The following CROCC variants were observed in gnomAD, a reference collection of about 807,000 sequenced individuals.
CROCC encodes the protein rootletin.
A neutral mutation model predicts 245.2 loss-of-function variants in CROCC; 180 were observed. That is an observed-to-expected ratio of 0.73 (90% CI 0.65 to 0.83). The LOEUF (loss-of-function observed/expected upper bound fraction) is 0.83, where lower values mean the gene tolerates loss of function less well. CROCC is among the 40% of genes least tolerant of loss of function. The pLI, the probability that CROCC is intolerant of heterozygous loss-of-function variation, is 0.00. For synonymous variants in CROCC, 1,205 were observed against 1,241.6 expected, an observed-to-expected ratio of 0.97 and a Z score of 0.62; for missense variants, 2,688 against 2,779.4, an observed-to-expected ratio of 0.97 and a Z score of 0.74.
rs371175242 is a variant in CROCC, at chr1:16,946,315, G to C, written c.2193G>C (p.Glu731Asp). The C allele has an allele frequency of 1.2e-6, 2 of 1,613,470 alleles. No homozygotes were observed. Among genetic ancestry groups the C allele is most frequent in the Non-Finnish European group, 1.7e-6 (2 of 1,180,008 alleles). ...CCATGACCAAGCTGAGGGCAGAGGAGGCCTCCCTGCAGGACTCCCTGTCCA... is the reference window on the plus strand; with the variant it reads ...CCATGACCAAGCTGAGGGCAGAGGACGCCTCCCTGCAGGACTCCCTGTCCA... ...ELSMTKLRAE[E>D]ASLQDSLSKL... The change falls in exon 16 of 37, where the codon GAG (glutamate) becomes GAC (aspartate). Residue 731 changes from glutamate (E) to aspartate (D), a missense_variant. Physicochemically the swap from Glu to Asp is conservative, Grantham distance 45. Coordinates refer to ENST00000375541, the MANE Select transcript of CROCC (RefSeq NM_014675.5).
intron 13 of CROCC, among the ~76,000 whole-genome samples, chr1:16,943,069 C>G (rs1415053656): frequency 6.6e-6 from 1 of 152,146 alleles, no homozygotes. Context: ...ATGGAGAAAC[C>G]CTGTCTCTAC....
chr1:16,925,093 G>C (rs571622255), intron 3 of CROCC, among the ~76,000 whole-genome samples: 254 of 152,308 alleles, frequency 1.7e-3, no homozygotes, highest in Middle Eastern at 6.8e-3. Flanking sequence ...CGGTGCGAGG[G>C]GTGCGGGATG....
At chr1:16,968,458 C>A (rs1278582645) in intron 31 of CROCC, 40 bp downstream of exon 31, 2 of 1,447,592 alleles carry the variant, frequency 1.4e-6, no homozygotes, top group East Asian at 2.5e-5. Flanking sequence ...TGTTCACATG[C>A]CCTGTGCCAA....
chr1:16,967,726 G>A (rs547304160), intron 30 of CROCC, among the ~76,000 whole-genome samples: 1 of 152,274 alleles, frequency 6.6e-6, no homozygotes, highest in South Asian at 2.1e-4. Context: ...GCTGACCCTG[G>A]GCAGGGGAGG....
rs1557583795 is a variant in CROCC, at chr1:16,929,902, G to A, written c.408G>A (p.Gly136=). 5 of 1,588,510 alleles carry A rather than the reference G, an allele frequency of 3.1e-6. No individual in the cohort carries two copies. The highest frequency in any genetic ancestry group is 1.1e-5 in the South Asian group (1 of 87,332). The change falls in exon 4 of 37, where the codon GGG becomes GGA. Residue 136 remains glycine (G), a synonymous_variant. Transcript: ENST00000375541. ...PGELETQEPR[G]LVRQSVELRR... ...AGCTGGAGACGCAGGAGCCCAGGGG[G>A]CTGGTACGGCAGAGCGTGGAGTTGC... is the stretch of plus-strand genomic sequence containing the variant.
At chr1:16,961,310 A>G (rs2076329658) in intron 27 of CROCC, among the ~76,000 whole-genome samples, 180 bp downstream of exon 27, 1 of 147,432 alleles carries the variant, frequency 6.8e-6, no homozygotes, top group South Asian at 2.2e-4. Flanking sequence ...CCCTTCACTG[A>G]TCTGTGCTTC....
chr1:16,915,241 A>G (rs1046667460), intron 1 of CROCC, among the ~76,000 whole-genome samples: 6 of 152,420 alleles, frequency 3.9e-5, no homozygotes, highest in East Asian at 3.9e-4. Context: ...GTGGCCCAAC[A>G]TGACCCCAGC....
At chr1:16,971,192 CTG>C (rs1252442821) in intron 35 of CROCC, among the ~76,000 whole-genome samples, 3 of 148,492 alleles carry the variant, frequency 2.0e-5, no homozygotes, top group African/African-American at 5.0e-5. Flanking sequence ...GCCTTTGTGC[CTG>C]TGTGTATGAT....
At chr1:16,918,444 C>A (rs1222850126), upstream of CROCC, among the ~76,000 whole-genome samples, 1 of 152,160 alleles carries the variant, frequency 6.6e-6, no homozygotes, top group African/African-American at 2.4e-5. Flanking sequence ...GTGAATGTCA[C>A]CTGGTGCCAG....
rs746650914 is a variant in CROCC at position 16,924,466 on chromosome 1, C to A, written c.338C>A (p.Ala113Glu). 1.2e-5 allele frequency: 20 copies of A among 1,612,176 alleles called. No individual in the cohort carries two copies. Among genetic ancestry groups the A allele is most frequent in the South Asian group, 2.2e-5 (2 of 90,932 alleles). ...ERDELAIKYN[A>E]VSERLEQALR... Reference sequence around the variant, plus strand: ...GATGAGCTCGCCATTAAGTACAATGCGGTCAGCGAGAGGGTGGGTGCCGCC... The same window carrying A: ...GATGAGCTCGCCATTAAGTACAATGAGGTCAGCGAGAGGGTGGGTGCCGCC... The change falls in exon 3 of 37, where the codon GCG becomes GAG. Residue 113 changes from alanine to glutamate, a missense_variant. Coordinates refer to ENST00000375541, the MANE Select transcript of CROCC (RefSeq NM_014675.5).
At chr1:16,959,613 C>G (rs551871060) in intron 26 of CROCC, among the ~76,000 whole-genome samples, 2 of 152,154 alleles carry the variant, frequency 1.3e-5, no homozygotes, top group African/African-American at 4.8e-5. Context: ...AACTGGTGAC[C>G]GTGAGAGGTT....
chr1:16,923,597 T>A (rs2075459008), intron 2 of CROCC, among the ~76,000 whole-genome samples: 1 of 152,066 alleles, frequency 6.6e-6, no homozygotes, highest in Non-Finnish European at 1.5e-5. Context: ...AGCCCTAGCC[T>A]TTAAAGTTCC....
At chr1:16,926,889 T>C (rs1473731860) in intron 3 of CROCC, among the ~76,000 whole-genome samples, 2 of 152,294 alleles carry the variant, frequency 1.3e-5, no homozygotes, top group East Asian at 3.8e-4. Context: ...CCTTCCCTTT[T>C]GAATTGCAAG....
rs182106939 is a variant in CROCC at position 16,970,424 on chromosome 1, C to G, written c.5623C>G (p.Arg1875Gly). 1.9e-6 allele frequency: 3 copies of G among 1,599,992 alleles called. No homozygotes were observed. The highest frequency in any genetic ancestry group is 2.3e-5 in the East Asian group (1 of 44,430). ...ERSALRLEKD[R>G]VALRRTLDKV... ...CTCAGCCCTGCGGCTGGAGAAGGAC[C>G]GTGTAGCCCTCAGGAGGACGCTGGA... The change falls in exon 34 of 37, where the codon CGT becomes GGT. Residue 1875 changes from arginine (R) to glycine (G), a missense_variant. By Grantham distance (125) the Arg-to-Gly change is moderately radical (BLOSUM62 -2). This residue lies in a region of CROCC where 1,218 missense variants were observed against 1,286.3 expected (regional missense o/e 0.95). Coordinates refer to ENST00000375541, the MANE Select transcript of CROCC (RefSeq NM_014675.5).
chr1:16,961,161 G>A (rs1311293539), intron 27 of CROCC, 31 bp downstream of exon 27: 70 of 1,292,064 alleles, frequency 5.4e-5, no homozygotes, highest in Non-Finnish European at 5.2e-5. Flanking sequence ...AGGGAAGGGG[G>A]GAGGTGGGCG....
chr1:16,962,246 G>A (rs984691692), intron 27 of CROCC, among the ~76,000 whole-genome samples: 1 of 151,484 alleles, frequency 6.6e-6, no homozygotes. Flanking sequence ...TGTATTTTTA[G>A]TAGAGACGGG....
Position 16,951,078 on chromosome 1 carries a change from C to A in CROCC, c.2962C>A (p.Arg988=). The A allele has an allele frequency of 1.3e-6, 2 of 1,594,136 alleles. No homozygotes were observed. Among genetic ancestry groups the A allele is most frequent in the Non-Finnish European group, 1.7e-6 (2 of 1,171,466 alleles). ...REAQASLREQ[R]AAHEEDLQRL... is the part of the protein sequence containing the mutation. ...GGCCCAGGCCTCTCTGCGGGAGCAG[C>A]GGGCAGCTCACGAGGAGGACTTACA... Residue 988 remains arginine, a synonymous_variant, in exon 20 of 37, where the codon CGG becomes AGG. Coordinates refer to ENST00000375541, the MANE Select transcript of CROCC (RefSeq NM_014675.5).
At position 16,972,544 on chromosome 1, in the gene CROCC, C is replaced by G; in HGVS notation, c.*98C>G. The G allele has an allele frequency of 1.2e-6, 1 of 801,058 alleles. No individual in the cohort carries two copies. The highest frequency in any genetic ancestry group is 1.9e-6 in the Non-Finnish European group (1 of 519,614). 49.6% of individuals were successfully genotyped at this position (801,058 alleles called of 1,614,324 possible). On this transcript the variant is annotated 3_prime_UTR_variant, in exon 37 of 37. Transcript: ENST00000375541. ...ACCCAGAGCCCGGTCCCTTGGGGGC[C>G]TCAAGCTGGGGTGGGATGAGGAGGC...
rs772409451 is a variant in CROCC at position 16,931,389 on chromosome 1, CA to C, written c.949del (p.Thr317LeufsTer26). 8.1e-5 allele frequency: 131 copies of C among 1,610,982 alleles called. No homozygotes were observed. The highest frequency in any genetic ancestry group is 3.3e-4 in the Middle Eastern group (2 of 6,056). The part of the protein sequence containing the change: ...RRLVSEVKMF[T>X]ERDLLQLGGE... The stretch of plus-strand genomic sequence containing the variant: ...GGCTGGTCAGCGAGGTGAAGATGTT[CA>C]CTGAGAGGTGAGGCCTGGCCGGGGA... On this transcript the variant is annotated frameshift_variant, in exon 8 of 37. Transcript: ENST00000375541. LOFTEE classifies it high-confidence loss of function.
Sources: gnomAD v4.1 joint callset for allele counts (sites outside exome capture counted in the v4.1 genomes callset) on GRCh38, gnomAD v4.1.1 for gene constraint, gnomAD v4.1.1 regional missense constraint, MANE v1.5 for transcripts, NCBI Gene and HGNC (gene_info 2026-07-23, HGNC 2026-07-21) for gene names.